RASSF5: variants seen among roughly 807,000 people sequenced by gnomAD.
RASSF5 encodes the protein Ras association domain family member 5, also known as ras association domain-containing protein 5.
A neutral mutation model predicts 40.5 loss-of-function variants in RASSF5; 25 were observed. The observed-to-expected ratio is 0.62, with a 90% CI of 0.45 to 0.86. The LOEUF (loss-of-function observed/expected upper bound fraction) is 0.86. RASSF5 is among the 40% of genes least tolerant of loss of function. The probability of loss-of-function intolerance (pLI) is 0.00; values close to 1 mark genes in which losing one functional copy is unlikely to be tolerated. For missense variants in RASSF5, 521 were observed against 572.8 expected, an observed-to-expected ratio of 0.91 and a Z score of 0.92; for synonymous variants, 246 against 252.4, an observed-to-expected ratio of 0.97 and a Z score of 0.24.
At chr1:206,526,779 G>A (rs1188483124) in intron 1 of RASSF5, among the ~76,000 whole-genome samples, 6 of 152,086 alleles carry the variant, frequency 3.9e-5, no homozygotes, top group South Asian at 2.1e-4. Flanking sequence ...ACCCTAATAC[G>A]TTAGAAGAGG....
chr1:206,540,845 T>A (rs1477445156), intron 2 of RASSF5, among the ~76,000 whole-genome samples: 1 of 152,090 alleles, frequency 6.6e-6, no homozygotes, highest in Non-Finnish European at 1.5e-5. Flanking sequence ...TACTTCCGGG[T>A]ATATATGGCT....
At chr1:206,520,713 C>T (rs1436439003) in intron 1 of RASSF5, among the ~76,000 whole-genome samples, 2 of 152,140 alleles carry the variant, frequency 1.3e-5, no homozygotes, top group Non-Finnish European at 2.9e-5. Context: ...ACAGATTAAC[C>T]TCTCTGAGCC....
chr1:206,533,142 C>T (rs1164912202), intron 1 of RASSF5, among the ~76,000 whole-genome samples: 24 of 152,154 alleles, frequency 1.6e-4, no homozygotes, highest in African/African-American at 4.1e-4. Flanking sequence ...TTCAGGGCTA[C>T]AGTGAAAGAA....
At chr1:206,508,201 C>T in intron 1 of RASSF5, 142 bp downstream of exon 1, 1 of 609,422 alleles carries the variant, frequency 1.6e-6, no homozygotes, top group Middle Eastern at 4.6e-4. Flanking sequence ...ATAACAACCC[C>T]TGGGGACAGT....
intron 2 of RASSF5, among the ~76,000 whole-genome samples, chr1:206,574,853 CTTTTTTT>C (rs71570015): frequency 5.8e-5 from 5 of 86,072 alleles, no homozygotes; most frequent in Non-Finnish European, 8.8e-5. Context: ...GGACCAATGA[CTTTTTTT>C]TTTTTTTTTT....
At chr1:206,567,038 A>G (rs1472440959) in intron 2 of RASSF5, among the ~76,000 whole-genome samples, 3 of 152,226 alleles carry the variant, frequency 2.0e-5, no homozygotes, top group Non-Finnish European at 4.4e-5. Flanking sequence ...ATGTGGAATA[A>G]ATGGATTTTT....
At chr1:206,558,995 C>T (rs1668070826) in intron 2 of RASSF5, among the ~76,000 whole-genome samples, 1 of 152,162 alleles carries the variant, frequency 6.6e-6, no homozygotes, top group Admixed American at 6.5e-5. Flanking sequence ...GATACTCCAG[C>T]TAGCTAGGTA....
intron 2 of RASSF5, among the ~76,000 whole-genome samples, chr1:206,574,853 CTTT>C (rs71570015): frequency 9.3e-5 from 8 of 86,112 alleles, no homozygotes; most frequent in African/African-American, 3.2e-4. Flanking sequence ...GGACCAATGA[CTTT>C]TTTTTTTTTT....
intron 2 of RASSF5, among the ~76,000 whole-genome samples, chr1:206,582,732 T>G (rs1337209262): frequency 6.6e-6 from 1 of 152,226 alleles, no homozygotes; most frequent in African/African-American, 2.4e-5. Flanking sequence ...CTGGTCTCTA[T>G]GTGTCCTTGG....
At chr1:206,514,797 C>T (rs1305898447) in intron 1 of RASSF5, among the ~76,000 whole-genome samples, 1 of 152,164 alleles carries the variant, frequency 6.6e-6, no homozygotes, top group Non-Finnish European at 1.5e-5. Flanking sequence ...AAGATACAAG[C>T]TGGCATTCTG....
At position 206,584,273 on chromosome 1, in the gene RASSF5, C is replaced by G; in HGVS notation, c.691-114C>G. On this transcript the variant is annotated intron_variant, in intron 3 of 5. Transcript: ENST00000579436. The surrounding 1 kb of genome is among the most constrained non-coding windows in gnomAD (Gnocchi z 4.9). The stretch of plus-strand genomic sequence containing the variant: ...TCCAGCTCTCCCACGTCAGCAGAGG[C>G]AGGAAAGAACTCAAGGAGACAGGTG... 9.9e-7 allele frequency: 1 copy of G among 1,006,986 alleles called. No homozygotes were observed. Among genetic ancestry groups the G allele is most frequent in the Admixed American group, 2.8e-5 (1 of 35,648 alleles). 62.4% of individuals were successfully genotyped at this position (1,006,986 alleles called of 1,614,324 possible).
chr1:206,560,156 G>A lies in RASSF5; in HGVS notation c.579+21863G>A, dbSNP rs570432931. Among the ~76,000 whole-genome samples, 10 of 152,260 alleles carry A rather than the reference G, an allele frequency of 6.6e-5. No homozygotes were observed. Among genetic ancestry groups the A allele is most frequent in the Admixed American group, 5.2e-4 (8 of 15,306 alleles). On this transcript the variant is annotated intron_variant, in intron 2 of 5. Transcript: ENST00000579436. The surrounding 1 kb of genome is among the most constrained non-coding windows in gnomAD (Gnocchi z 5.1). ...AAAGGAGTTGATGTGTTTCCCGGTC[G>A]TCGAGAGATTGAGGCCCTCATCTGG... is the stretch of plus-strand genomic sequence containing the variant.
At chr1:206,571,910 G>A (rs1558517577) in intron 2 of RASSF5, among the ~76,000 whole-genome samples, 1 of 152,186 alleles carries the variant, frequency 6.6e-6, no homozygotes, top group East Asian at 1.9e-4. Context: ...AATTCCTGTG[G>A]CCATCTCAGA....
chr1:206,575,524 G>A (rs769617486), intron 2 of RASSF5, among the ~76,000 whole-genome samples: 1 of 152,150 alleles, frequency 6.6e-6, no homozygotes, highest in Admixed American at 6.5e-5. Flanking sequence ...AAGTAAAGTC[G>A]TGGCGGTTAG....
At chr1:206,518,853 C>T (rs959790625) in intron 1 of RASSF5, among the ~76,000 whole-genome samples, 1 of 150,410 alleles carries the variant, frequency 6.6e-6, no homozygotes, top group African/African-American at 2.4e-5. Context: ...AATCAGGGTC[C>T]CTGAGCTGGC....
intron 1 of RASSF5, among the ~76,000 whole-genome samples, chr1:206,532,249 G>A (rs1553398064): frequency 6.6e-6 from 1 of 152,172 alleles, no homozygotes; most frequent in African/African-American, 2.4e-5. Flanking sequence ...AGAGGGTAGG[G>A]GATGGATCAT....
Position 206,583,664 on chromosome 1 carries a change from G to A in RASSF5, c.690+285G>A, listed in dbSNP as rs1400767141. The A allele has an allele frequency of 2.8e-5, 11 of 392,678 alleles. No homozygotes were observed. In the East Asian group the frequency reaches 3.4e-4, roughly 12 times the overall value. 24.3% of individuals were successfully genotyped at this position (392,678 alleles called of 1,614,324 possible). ...TGTAAACTAAGTGATTAAACGGTAC[G>A]TAATGACCAAGGGCCCAGTATTGCT... On this transcript the variant is annotated intron_variant, in intron 3 of 5. Coordinates refer to ENST00000579436, the MANE Select transcript of RASSF5 (RefSeq NM_182663.4).
intron 2 of RASSF5, among the ~76,000 whole-genome samples, chr1:206,568,457 G>T (rs780593549): frequency 2.6e-5 from 4 of 152,272 alleles, no homozygotes; most frequent in African/African-American, 9.6e-5. Context: ...GGCTGCTGGC[G>T]CAAGTCTCAA....
intron 3 of RASSF5, 78 bp downstream of exon 3, chr1:206,583,457 A>G (rs1572370656): frequency 6.2e-6 from 6 of 971,264 alleles, no homozygotes; most frequent in Non-Finnish European, 6.6e-6. Context: ...CTCACTCTGA[A>G]TTCTGTGGCT....
Sources: allele counts gnomAD v4.1 joint callset (sites outside exome capture counted in the v4.1 genomes callset), GRCh38; gene constraint gnomAD v4.1.1; non-coding constraint Gnocchi (gnomAD v3.1); transcripts MANE v1.5; gene names NCBI Gene and HGNC (gene_info 2026-07-23, HGNC 2026-07-21).